TASP1: variants seen among roughly 807,000 people sequenced by gnomAD.
TASP1 encodes the protein taspase 1.
In TASP1, 16 loss-of-function variants were observed where a neutral mutation model predicts 56.6. That is an observed-to-expected ratio of 0.28 (90% CI 0.19 to 0.43). The LOEUF is 0.43. TASP1 is among the 20% of genes least tolerant of loss of function. TASP1 has a pLI of 1.00. For synonymous variants in TASP1, 179 were observed against 184.2 expected (o/e 0.97, Z 0.23); for missense variants, 393 against 511.6 (o/e 0.77, Z 2.24).
the TASP1 span, among the ~76,000 whole-genome samples, chr20:13,153,548 A>T: frequency 1.3e-5 from 2 of 152,116 alleles, no homozygotes; most frequent in Admixed American, 1.3e-4. Context: ...TTGATTAGAG[A>T]TTTAAATGAG....
the TASP1 span, among the ~76,000 whole-genome samples, chr20:13,258,296 C>A: frequency 0.01 from 1,527 of 152,182 alleles, 27 homozygotes; most frequent in African/African-American, 0.035. Flanking sequence ...TTACTTCCAA[C>A]CCCACAGCTC....
At chr20:13,307,521 TTGTA>T in the TASP1 span, among the ~76,000 whole-genome samples, 2 of 152,186 alleles carry the variant, frequency 1.3e-5, no homozygotes, top group African/African-American at 2.4e-5. Flanking sequence ...CTGAATTTCT[TTGTA>T]TGTAAATTTT....
chr20:13,611,642 C>A (rs1165409271), intron 4 of TASP1, among the ~76,000 whole-genome samples: 1 of 152,144 alleles, frequency 6.6e-6, no homozygotes, highest in Non-Finnish European at 1.5e-5. Context: ...ATTTCCCTGG[C>A]CCTTGCAACA....
chr20:13,125,141 C>A, the TASP1 span, among the ~76,000 whole-genome samples: 1 of 152,178 alleles, frequency 6.6e-6, no homozygotes, highest in African/African-American at 2.4e-5. Flanking sequence ...CCCAACTGAG[C>A]ACCTGCAGAT....
intron 8 of TASP1, among the ~76,000 whole-genome samples, chr20:13,547,778 T>G (rs563994393): frequency 2.6e-5 from 4 of 152,250 alleles, no homozygotes; most frequent in African/African-American, 9.6e-5. Context: ...ACTGGTAGTA[T>G]GTCTACTAAA....
At chr20:13,279,797 A>G in the TASP1 span, 1 of 1,614,026 alleles carries the variant, frequency 6.2e-7, no homozygotes, top group Non-Finnish European at 8.5e-7. Flanking sequence ...TACAAGTACG[A>G]CAGTACCTCA....
intron 11 of TASP1, among the ~76,000 whole-genome samples, chr20:13,444,738 C>T (rs2043340359): frequency 6.6e-6 from 1 of 152,100 alleles, no homozygotes; most frequent in Admixed American, 6.6e-5. Context: ...ATGTTCACTA[C>T]ACTCACTTTA....
At chr20:13,392,852 T>A (rs1447204896) in intron 13 of TASP1, 3 of 667,642 alleles carry the variant, frequency 4.5e-6, no homozygotes, top group East Asian at 7.4e-5. Context: ...CATGGCACCA[T>A]CAAGGCTGAG....
chr20:13,266,389 C>T, the TASP1 span, among the ~76,000 whole-genome samples: 4 of 152,124 alleles, frequency 2.6e-5, no homozygotes, highest in East Asian at 7.7e-4. Context: ...ATGAAGATCA[C>T]CTGCCTCAGC....
At chr20:13,223,829 GC>G in the TASP1 span, among the ~76,000 whole-genome samples, 1 of 152,078 alleles carries the variant, frequency 6.6e-6, no homozygotes, top group African/African-American at 2.4e-5. Context: ...TATACATGAT[GC>G]TTTCTTTCCT....
intron 4 of TASP1, among the ~76,000 whole-genome samples, chr20:13,597,131 GA>G (rs1259862505): frequency 1.3e-5 from 2 of 152,196 alleles, no homozygotes; most frequent in African/African-American, 4.8e-5. Flanking sequence ...CATTCCTTCT[GA>G]AACTATTCCA....
the TASP1 span, among the ~76,000 whole-genome samples, chr20:13,352,171 C>T: frequency 2.0e-5 from 3 of 152,032 alleles, no homozygotes; most frequent in African/African-American, 7.2e-5. Flanking sequence ...ACTTTTAGGC[C>T]GGGCACAGTG....
intron 12 of TASP1, among the ~76,000 whole-genome samples, chr20:13,433,732 G>A (rs1274930828): frequency 1.3e-5 from 2 of 150,366 alleles, no homozygotes; most frequent in South Asian, 2.1e-4. Context: ...TATAGCAATC[G>A]ACAACAATCA....
At chr20:13,184,370 A>T in the TASP1 span, among the ~76,000 whole-genome samples, 1 of 152,170 alleles carries the variant, frequency 6.6e-6, no homozygotes, top group African/African-American at 2.4e-5. Context: ...AAGAAATTTA[A>T]TTTTTTAATA....
At chr20:13,164,951 C>A in the TASP1 span, 2 of 1,196,214 alleles carry the variant, frequency 1.7e-6, no homozygotes, top group Non-Finnish European at 2.3e-6. Flanking sequence ...TGGATTTCTC[C>A]CCCTTCCTCA....
the TASP1 span, chr20:13,292,395 C>T: frequency 6.2e-7 from 1 of 1,604,968 alleles, no homozygotes; most frequent in South Asian, 1.1e-5. Context: ...ACTTTTAGGA[C>T]AGCTGCCACC....
intron 13 of TASP1, among the ~76,000 whole-genome samples, chr20:13,410,729 C>T (rs2042068588): frequency 6.6e-6 from 1 of 151,844 alleles, no homozygotes; most frequent in Admixed American, 6.6e-5. Context: ...ATTATTAGTC[C>T]TCTGTCAGAA....
chr20:13,181,956 A>G, the TASP1 span, among the ~76,000 whole-genome samples: 1 of 152,214 alleles, frequency 6.6e-6, no homozygotes, highest in African/African-American at 2.4e-5. Flanking sequence ...AGGATAAAAG[A>G]GAAGCCAGCT....
downstream of TASP1, among the ~76,000 whole-genome samples, chr20:13,386,652 A>G (rs2041164875): frequency 6.6e-6 from 1 of 152,088 alleles, no homozygotes; most frequent in Admixed American, 6.6e-5. Flanking sequence ...CTGGTATGCA[A>G]TATTACCACT....
Sources: allele counts gnomAD v4.1 joint callset (sites outside exome capture counted in the v4.1 genomes callset), GRCh38; gene constraint gnomAD v4.1.1; transcripts MANE v1.5; gene names NCBI Gene and HGNC (gene_info 2026-07-23, HGNC 2026-07-21).